The following MIR2052HG variants were observed in gnomAD, a reference collection of about 807,000 sequenced individuals.
MIR2052HG encodes MIR2052 host gene.
At chr8:74,705,508 A>C (rs1427973923) in intron 4 of MIR2052HG, among the ~76,000 whole-genome samples, 1 of 151,986 alleles carries the variant, frequency 6.6e-6, no homozygotes, top group East Asian at 1.9e-4. Context: ...GATGCCCCAG[A>C]CTGTTTCCTT....
At chr8:74,605,612 A>T (rs1387108280) in intron 1 of MIR2052HG, among the ~76,000 whole-genome samples, 1 of 152,228 alleles carries the variant, frequency 6.6e-6, no homozygotes, top group African/African-American at 2.4e-5. Flanking sequence ...GGGAACCACG[A>T]TGAGGAAATT....
intron 4 of MIR2052HG, among the ~76,000 whole-genome samples, chr8:74,734,675 G>A (rs554807641): frequency 1.3e-5 from 2 of 152,340 alleles, no homozygotes; most frequent in South Asian, 4.1e-4. Context: ...ACCCGTGCTG[G>A]CACGGTGACA....
intron 4 of MIR2052HG, among the ~76,000 whole-genome samples, chr8:74,751,026 A>G (rs1245430179): frequency 6.6e-6 from 1 of 152,226 alleles, no homozygotes; most frequent in African/African-American, 2.4e-5. Context: ...AATACAGCAC[A>G]TTCTCATTAT....
chr8:74,709,775 T>C (rs1809448083), intron 4 of MIR2052HG, among the ~76,000 whole-genome samples: 1 of 152,182 alleles, frequency 6.6e-6, no homozygotes, highest in African/African-American at 2.4e-5. Flanking sequence ...GGCTGAGTTC[T>C]GGCAATAAGA....
intron 4 of MIR2052HG, among the ~76,000 whole-genome samples, chr8:74,729,103 G>A (rs188348374): frequency 7.2e-5 from 11 of 152,202 alleles, no homozygotes; most frequent in Admixed American, 3.9e-4. Context: ...TTCCCAAGTC[G>A]CAAACGAATA....
intron 2 of MIR2052HG, among the ~76,000 whole-genome samples, chr8:74,650,771 A>G (rs1403638679): frequency 6.6e-6 from 1 of 152,150 alleles, no homozygotes; most frequent in East Asian, 1.9e-4. Context: ...TTAACATGTG[A>G]CTGAAAATAT....
intron 4 of MIR2052HG, among the ~76,000 whole-genome samples, chr8:74,735,350 G>A (rs1476362385): frequency 6.6e-6 from 1 of 152,156 alleles, no homozygotes; most frequent in Non-Finnish European, 1.5e-5. Context: ...TCGCTTACTT[G>A]CAGGTTTTAT....
intron 4 of MIR2052HG, among the ~76,000 whole-genome samples, chr8:74,730,432 A>G (rs1271785325): frequency 6.6e-6 from 1 of 152,226 alleles, no homozygotes; most frequent in African/African-American, 2.4e-5. Flanking sequence ...GAAAAAGAAC[A>G]TAGTACGTAA....
At chr8:74,753,151 A>T (rs1460322510) in intron 5 of MIR2052HG, among the ~76,000 whole-genome samples, 1 of 152,220 alleles carries the variant, frequency 6.6e-6, no homozygotes, top group Non-Finnish European at 1.5e-5. Context: ...ACATAAAGTC[A>T]AAGTAATTCT....
chr8:74,639,698 C>T (rs1300429013), intron 2 of MIR2052HG, among the ~76,000 whole-genome samples: 1 of 152,104 alleles, frequency 6.6e-6, no homozygotes, highest in Non-Finnish European at 1.5e-5. Flanking sequence ...TATTTTTTCT[C>T]TGTTGAAAAA....
intron 4 of MIR2052HG, among the ~76,000 whole-genome samples, chr8:74,751,601 T>C (rs1809947655): frequency 2.6e-5 from 4 of 152,212 alleles, no homozygotes; most frequent in African/African-American, 4.8e-5. Flanking sequence ...TACTTTGGTG[T>C]TGGCAGCATC....
At chr8:74,718,661 A>G (rs989864209) in intron 4 of MIR2052HG, among the ~76,000 whole-genome samples, 1 of 152,216 alleles carries the variant, frequency 6.6e-6, no homozygotes, top group African/African-American at 2.4e-5. Flanking sequence ...ACAAAGTACC[A>G]CAGACATAGT....
chr8:74,603,481 A>T, intron 1 of MIR2052HG: 1 of 1,594,598 alleles, frequency 6.3e-7, no homozygotes. Context: ...ACGCCCGATT[A>T]TGCAGCCAAT....
intron 4 of MIR2052HG, among the ~76,000 whole-genome samples, chr8:74,716,734 T>G (rs1809525259): frequency 6.6e-6 from 1 of 152,022 alleles, no homozygotes; most frequent in Non-Finnish European, 1.5e-5. Flanking sequence ...TGAATCCATA[T>G]TTGGGGTGAA....
chr8:74,693,614 G>A (rs1007223427), intron 2 of MIR2052HG, among the ~76,000 whole-genome samples: 2 of 150,734 alleles, frequency 1.3e-5, no homozygotes, highest in Admixed American at 6.6e-5. Context: ...CGGGGGCGGG[G>A]GGGGAGGGGT....
intron 2 of MIR2052HG, among the ~76,000 whole-genome samples, chr8:74,646,988 T>C (rs1380010378): frequency 1.3e-5 from 2 of 152,002 alleles, no homozygotes; most frequent in African/African-American, 4.8e-5. Flanking sequence ...ATCATATAAA[T>C]CAATAGTGGT....
chr8:74,697,400 C>G (rs1273211494), intron 2 of MIR2052HG, among the ~76,000 whole-genome samples: 1 of 152,004 alleles, frequency 6.6e-6, no homozygotes, highest in Admixed American at 6.6e-5. Flanking sequence ...GAAAGCATTC[C>G]CCTGAGAACT....
chr8:74,699,289 C>A (rs140923854), intron 2 of MIR2052HG, among the ~76,000 whole-genome samples: 2 of 151,896 alleles, frequency 1.3e-5, no homozygotes, highest in Non-Finnish European at 2.9e-5. Flanking sequence ...AGTCATCATA[C>A]GAAAAAGATA....
chr8:74,641,779 G>A (rs916069382), intron 2 of MIR2052HG, among the ~76,000 whole-genome samples: 3 of 152,082 alleles, frequency 2.0e-5, no homozygotes, highest in Admixed American at 1.3e-4. Flanking sequence ...AGAAAAATAA[G>A]ATACTTGTAG....
Sources: allele counts gnomAD v4.1 joint callset (sites outside exome capture counted in the v4.1 genomes callset), GRCh38; gene constraint gnomAD v4.1.1; transcripts MANE v1.5; gene names NCBI Gene and HGNC (gene_info 2026-07-23, HGNC 2026-07-21).